Variants in ADGRL3 observed in about 807,000 individuals in gnomAD.
ADGRL3 encodes the protein adhesion G protein-coupled receptor L3, also known as calcium-independent alpha-latrotoxin receptor 3.
ADGRL3 carries 62 observed loss-of-function variants against 153.5 expected under a neutral mutation model. The observed-to-expected ratio is 0.40, with a 90% CI of 0.33 to 0.50. ADGRL3 has a LOEUF of 0.50. Among genes scored for constraint, ADGRL3 ranks in the 20% least tolerant of loss-of-function variants. The pLI is 0.47. For missense variants in ADGRL3, 1,641 were observed against 1,859.4 expected (o/e 0.88, Z 2.16); for synonymous variants, 710 against 672.5 (o/e 1.06, Z -0.86).
intron 8 of ADGRL3, among the ~76,000 whole-genome samples, chr4:61,754,549 G>C (rs1182757806): frequency 6.6e-6 from 1 of 151,758 alleles, no homozygotes; most frequent in Non-Finnish European, 1.5e-5. Flanking sequence ...TTCTTTTTAT[G>C]CTTGATTGTA....
intron 4 of ADGRL3, among the ~76,000 whole-genome samples, chr4:61,574,055 A>G: frequency 6.6e-6 from 1 of 151,956 alleles, no homozygotes; most frequent in East Asian, 1.9e-4. Context: ...TCATTCTCAA[A>G]CCAAAAGGCC....
chr4:61,967,045 C>T (rs1581672059), intron 17 of ADGRL3, among the ~76,000 whole-genome samples: 1 of 152,078 alleles, frequency 6.6e-6, no homozygotes, highest in South Asian at 2.1e-4. Context: ...ATGCTTAGTA[C>T]ACCATAAATA....
At chr4:61,349,764 C>A (rs1312556452) in intron 1 of ADGRL3, among the ~76,000 whole-genome samples, 1 of 152,014 alleles carries the variant, frequency 6.6e-6, no homozygotes, top group African/African-American at 2.4e-5. Flanking sequence ...CATTAAACTG[C>A]GGGGCCTATA....
chr4:61,249,043 C>G (rs907809581), intron 1 of ADGRL3, among the ~76,000 whole-genome samples: 1 of 152,138 alleles, frequency 6.6e-6, no homozygotes, highest in African/African-American at 2.4e-5. Context: ...CTTCCTGTTT[C>G]CAACAGGATG....
At chr4:61,932,827 C>T (rs990644048) in intron 13 of ADGRL3, among the ~76,000 whole-genome samples, 3 of 152,058 alleles carry the variant, frequency 2.0e-5, no homozygotes, top group African/African-American at 7.2e-5. Flanking sequence ...TGTTGGGAGG[C>T]TCTGATTACT....
intron 4 of ADGRL3, among the ~76,000 whole-genome samples, chr4:61,560,214 T>C (rs2098788898): frequency 6.6e-6 from 1 of 152,124 alleles, no homozygotes; most frequent in Non-Finnish European, 1.5e-5. Context: ...GGGGAACTGC[T>C]GAGTATGCCT....
chr4:61,702,823 A>G (rs538377074), intron 6 of ADGRL3, among the ~76,000 whole-genome samples: 69 of 152,258 alleles, frequency 4.5e-4, no homozygotes, highest in African/African-American at 1.5e-3. Context: ...ATCTATATCT[A>G]TAACTATATC....
At chr4:61,802,154 A>C (rs1327208509) in intron 8 of ADGRL3, among the ~76,000 whole-genome samples, 1 of 152,176 alleles carries the variant, frequency 6.6e-6, no homozygotes, top group Non-Finnish European at 1.5e-5. Flanking sequence ...AAACCATGTG[A>C]GTAAACTTTT....
chr4:61,508,913 A>G (rs2098446992), intron 3 of ADGRL3, among the ~76,000 whole-genome samples: 1 of 152,128 alleles, frequency 6.6e-6, no homozygotes, highest in Non-Finnish European at 1.5e-5. Context: ...TGGCAGCAGC[A>G]AGAGAAAAAT....
At chr4:61,653,015 T>G (rs2150412621) in intron 5 of ADGRL3, among the ~76,000 whole-genome samples, 1 of 152,082 alleles carries the variant, frequency 6.6e-6, no homozygotes, top group Admixed American at 6.5e-5. Context: ...CCAATGTAAC[T>G]GTTTTGGATG....
Position 61,978,338 on chromosome 4 carries a change from TAA to T in ADGRL3, c.2806-1216_2806-1215del, listed in dbSNP as rs11297140. Among the ~76,000 whole-genome samples, 928 of 148,210 alleles carry T rather than the reference TAA, an allele frequency of 6.3e-3. 14 individuals carry two copies. The highest frequency in any genetic ancestry group is 0.02 in the African/African-American group (794 of 40,482). On this transcript the variant is annotated intron_variant, in intron 17 of 26. Coordinates refer to ENST00000683033, the MANE Select transcript of ADGRL3 (RefSeq NM_001387552.1). ...GTAGATCCTTTTGATGCTTGCTTTTTAAAAAAAAAATATTAGATTTTTGTGTA... is the reference window on the plus strand; with the variant it reads ...GTAGATCCTTTTGATGCTTGCTTTTTAAAAAAAATATTAGATTTTTGTGTA...
chr4:61,430,399 A>G (rs1469497490), intron 2 of ADGRL3, among the ~76,000 whole-genome samples: 1 of 152,182 alleles, frequency 6.6e-6, no homozygotes, highest in Non-Finnish European at 1.5e-5. Context: ...GGATTGGTAT[A>G]GAGAATAAAA....
intron 6 of ADGRL3, among the ~76,000 whole-genome samples, chr4:61,695,882 T>C (rs1192928883): frequency 6.6e-6 from 1 of 152,162 alleles, no homozygotes; most frequent in Non-Finnish European, 1.5e-5. Context: ...TACTTTTATG[T>C]TATGGAGATG....
In ADGRL3 at chr4:62,031,988, CACACAT is replaced by C. The variant is rs1396620981; in HGVS notation, c.3591+379_3591+384del. ...ACACACACACACACACACACACACACACACATGGATATATATCACAGTATAGGAAAT... is the reference window on the plus strand; with the variant it reads ...ACACACACACACACACACACACACACGGATATATATCACAGTATAGGAAAT... On this transcript the variant is annotated intron_variant, in intron 23 of 26. Transcript: ENST00000683033. 9.1e-3 allele frequency among the ~76,000 whole-genome samples: 1,215 copies of C among 133,370 alleles called. 10 individuals carry two copies. The highest frequency in any genetic ancestry group is 0.013 in the African/African-American group (473 of 37,692). The allele number at this position is 133,370 out of a possible 152,430, so 87.5% of individuals were successfully genotyped here. A position where few individuals can be genotyped will look rare whatever the true frequency, so the allele number is the denominator to read the frequency against.
intron 8 of ADGRL3, among the ~76,000 whole-genome samples, chr4:61,755,558 G>C (rs375794007): frequency 2.6e-5 from 4 of 151,744 alleles, no homozygotes; most frequent in African/African-American, 4.8e-5. Flanking sequence ...ATTTTCTCCC[G>C]TTCTGTAGGT....
chr4:61,279,205 A>G (rs949912214), intron 1 of ADGRL3, among the ~76,000 whole-genome samples: 2 of 152,196 alleles, frequency 1.3e-5, no homozygotes, highest in Admixed American at 1.3e-4. Context: ...TGAGTTTTGA[A>G]GCCAAATGGG....
chr4:61,361,901 A>T (rs2096287285), intron 1 of ADGRL3, among the ~76,000 whole-genome samples: 1 of 151,418 alleles, frequency 6.6e-6, no homozygotes, highest in Non-Finnish European at 1.5e-5. Context: ...AATATTTAGA[A>T]ACAAAGAAGA....
In ADGRL3 at chr4:61,424,134, G is replaced by A. The variant is rs2097247210; in HGVS notation, c.-174+40945G>A. Among the ~76,000 whole-genome samples the A allele has an allele frequency of 2.0e-5, 3 of 152,070 alleles. No homozygotes were observed. In the South Asian group the frequency reaches 6.2e-4, roughly 32 times the overall value. On this transcript the variant is annotated intron_variant, in intron 2 of 26. Transcript: ENST00000683033. ...GTGGGACATGGCTTTATTATACGCT[G>A]TCCCTCACAGTGTCAGTGATACATT...
intron 4 of ADGRL3, among the ~76,000 whole-genome samples, chr4:61,520,599 T>C (rs889772846): frequency 1.3e-5 from 2 of 151,958 alleles, no homozygotes; most frequent in African/African-American, 4.8e-5. Flanking sequence ...AAAAAACTTT[T>C]TCCTTCCTAC....
Sources: allele counts gnomAD v4.1 joint callset (sites outside exome capture counted in the v4.1 genomes callset), GRCh38; gene constraint gnomAD v4.1.1; transcripts MANE v1.5; gene names NCBI Gene and HGNC (gene_info 2026-07-23, HGNC 2026-07-21).